TCF12: variants seen among roughly 807,000 people sequenced by gnomAD.
The protein encoded by TCF12 is DNA-binding protein HTF4.
In TCF12, 45 loss-of-function variants were observed where a neutral mutation model predicts 86.0. The ratio of observed to expected loss-of-function variants is 0.52; its 90% CI spans 0.41 to 0.67. The LOEUF (loss-of-function observed/expected upper bound fraction) is 0.67. Among genes scored for constraint, TCF12 ranks in the 30% least tolerant of loss-of-function variants. The pLI, the probability that TCF12 is intolerant of heterozygous loss-of-function variation, is 0.00. For synonymous variants in TCF12, 330 were observed against 299.6 expected (o/e 1.10, Z -1.05); for missense variants, 881 against 859.9 (o/e 1.02, Z -0.31).
chr15:56,994,993 AT>A (rs1463555875), intron 3 of TCF12, among the ~76,000 whole-genome samples: 1 of 152,030 alleles, frequency 6.6e-6, no homozygotes. Context: ...ATCTGATGTG[AT>A]TTTCAGTGGC....
At chr15:56,988,699 G>A (rs1347069438) in intron 3 of TCF12, among the ~76,000 whole-genome samples, 2 of 152,126 alleles carry the variant, frequency 1.3e-5, no homozygotes, top group Non-Finnish European at 2.9e-5. Flanking sequence ...TATTTGAATT[G>A]AACTTTAAAG....
chr15:56,989,169 G>T lies in TCF12; in HGVS notation c.148+68071G>T, dbSNP rs1266301474. Among the ~76,000 whole-genome samples the T allele has an allele frequency of 6.6e-5, 10 of 152,076 alleles. 1 individual carries two copies. The highest frequency in any genetic ancestry group is 6.6e-4 in the Admixed American group (10 of 15,262). On this transcript the variant is annotated intron_variant, in intron 3 of 20. Coordinates refer to ENST00000333725, the MANE Select transcript of TCF12 (RefSeq NM_207037.2). ...CCAACATTTAAATTAGGATCATACT[G>T]CTTCTGTAATGTATTAGATTTTAAC...
chr15:56,973,469 T>C (rs1254201904), intron 3 of TCF12, among the ~76,000 whole-genome samples: 1 of 151,994 alleles, frequency 6.6e-6, no homozygotes, highest in African/African-American at 2.4e-5. Flanking sequence ...ATAACATTAA[T>C]AAAATAAGAA....
At chr15:57,100,557 C>G (rs2049666980) in intron 5 of TCF12, among the ~76,000 whole-genome samples, 1 of 151,462 alleles carries the variant, frequency 6.6e-6, no homozygotes, top group Admixed American at 6.6e-5. Context: ...GCCACTTTAT[C>G]TAGCCCAGAC....
intron 3 of TCF12, among the ~76,000 whole-genome samples, chr15:57,045,993 TC>T (rs2067208013): frequency 6.6e-6 from 1 of 152,244 alleles, no homozygotes; most frequent in African/African-American, 2.4e-5. Context: ...ATGACTGCCT[TC>T]CACGATTTTC....
At chr15:56,948,280 A>G (rs2061103491) in intron 3 of TCF12, among the ~76,000 whole-genome samples, 2 of 151,736 alleles carry the variant, frequency 1.3e-5, no homozygotes, top group African/African-American at 4.8e-5. Flanking sequence ...TTTTTAAATG[A>G]TGGTGCAGTG....
chr15:56,962,426 A>G (rs1283195577), intron 3 of TCF12, among the ~76,000 whole-genome samples: 1 of 152,200 alleles, frequency 6.6e-6, no homozygotes, highest in Admixed American at 6.5e-5. Flanking sequence ...TTTAGTCTTT[A>G]GAGTTACTGA....
intron 3 of TCF12, among the ~76,000 whole-genome samples, chr15:56,980,373 C>T (rs1162527246): frequency 6.6e-6 from 1 of 152,010 alleles, no homozygotes; most frequent in East Asian, 1.9e-4. Flanking sequence ...TGAGTTTGGC[C>T]CCCTTTTGGT....
intron 3 of TCF12, among the ~76,000 whole-genome samples, chr15:56,970,438 C>T (rs925177610): frequency 4.8e-5 from 7 of 146,546 alleles, no homozygotes; most frequent in Non-Finnish European, 8.9e-5. Context: ...CGAGACCACG[C>T]CACTGCACTC....
intron 3 of TCF12, among the ~76,000 whole-genome samples, chr15:56,999,197 C>CAA (rs74265779): frequency 5.9e-5 from 6 of 101,730 alleles, no homozygotes; most frequent in African/African-American, 2.2e-4. Context: ...GACTCCATCT[C>CAA]AAAAAAAAAA....
intron 3 of TCF12, among the ~76,000 whole-genome samples, chr15:56,999,215 G>T (rs1486896825): frequency 6.6e-6 from 1 of 151,472 alleles, no homozygotes; most frequent in East Asian, 1.9e-4. Flanking sequence ...AAAAAGGGAG[G>T]GGGGAGCGGG....
At chr15:57,061,436 TAAA>T (rs568826887) in intron 3 of TCF12, among the ~76,000 whole-genome samples, 1 of 147,610 alleles carries the variant, frequency 6.8e-6, no homozygotes, top group Admixed American at 6.7e-5. Context: ...CTCTACAAAA[TAAA>T]AAAAAAAATT....
chr15:57,280,233 ATTTG>A (rs71113099), intron 19 of TCF12, among the ~76,000 whole-genome samples: 59,218 of 151,832 alleles, frequency 0.39, 14,388 homozygotes, highest in Non-Finnish European at 0.54. Context: ...ACGAACTCTT[ATTTG>A]TTAGAGGTGC....
intron 12 of TCF12, among the ~76,000 whole-genome samples, chr15:57,240,885 A>AAAG (rs2059591441): frequency 6.7e-6 from 1 of 150,272 alleles, no homozygotes; most frequent in Non-Finnish European, 1.5e-5. Flanking sequence ...GTCTCAAAAA[A>AAAG]AAAAAAAAAA....
intron 3 of TCF12, among the ~76,000 whole-genome samples, chr15:57,027,573 G>C (rs999060285): frequency 1.1e-4 from 17 of 152,018 alleles, no homozygotes; most frequent in African/African-American, 3.9e-4. Flanking sequence ...TACATACTGA[G>C]TAGAGGAATT....
chr15:57,047,244 TTAG>T (rs2067292051), intron 3 of TCF12, among the ~76,000 whole-genome samples: 1 of 152,250 alleles, frequency 6.6e-6, no homozygotes, highest in Non-Finnish European at 1.5e-5. Flanking sequence ...AAAATGGTGC[TTAG>T]TAGTACAAAC....
At chr15:57,020,300 C>T (rs188536129) in intron 3 of TCF12, among the ~76,000 whole-genome samples, 99 of 152,236 alleles carry the variant, frequency 6.5e-4, no homozygotes, top group South Asian at 2.1e-3. Flanking sequence ...ATGTACTGAG[C>T]TCATCTTGAG....
At chr15:56,968,384 G>A (rs2062116008) in intron 3 of TCF12, among the ~76,000 whole-genome samples, 1 of 144,188 alleles carries the variant, frequency 6.9e-6, no homozygotes, top group Admixed American at 6.8e-5. Context: ...TTTTTGAAAT[G>A]GGGGTCTCAC....
At chr15:57,123,116 G>T (rs529333014) in intron 5 of TCF12, among the ~76,000 whole-genome samples, 1 of 152,302 alleles carries the variant, frequency 6.6e-6, no homozygotes, top group Admixed American at 6.5e-5. Context: ...CTGCCTTTAT[G>T]TGTGTTTCTT....
Sources: allele counts gnomAD v4.1 joint callset (sites outside exome capture counted in the v4.1 genomes callset), GRCh38; gene constraint gnomAD v4.1.1; transcripts MANE v1.5; gene names NCBI Gene and HGNC (gene_info 2026-07-23, HGNC 2026-07-21).